Variants in SAXO1 observed in about 807,000 individuals in gnomAD.
SAXO1 encodes 4930500O09Rik.
A neutral mutation model predicts 17.5 loss-of-function variants in SAXO1; 21 were observed. That is an observed-to-expected ratio of 1.20 (90% CI 0.85 to 1.72). SAXO1 has a LOEUF of 1.72. Among genes scored for constraint, SAXO1 ranks in the 40% most tolerant of loss-of-function variants. The pLI is 0.00. For synonymous variants in SAXO1, 274 were observed against 216.5 expected, an observed-to-expected ratio of 1.27 and a Z score of -2.33; for missense variants, 843 against 596.0, an observed-to-expected ratio of 1.41 and a Z score of -4.32.
rs1227047648 is a variant in SAXO1 at position 18,929,031 on chromosome 9, G to A, written c.446C>T (p.Pro149Leu). 6.2e-7 allele frequency: 1 copy of A among 1,614,004 alleles called. No individual in the cohort carries two copies. The highest frequency in any genetic ancestry group is 2.2e-5 in the East Asian group (1 of 44,888). ...TTCCAGACGAAGTGGCTCTCGCCTTGGTTGGTTCCAAGGCAAATAATCAGC... is the reference window on the plus strand; with the variant it reads ...TTCCAGACGAAGTGGCTCTCGCCTTAGTTGGTTCCAAGGCAAATAATCAGC... Reference protein sequence around the residue: ...YKADYLPWNQPRREPLRLEHK... With the variant: ...YKADYLPWNQLRREPLRLEHK... Residue 149 changes from proline to leucine, a missense_variant, in exon 4 of 4, where the codon CCA (proline) becomes CTA (leucine). Transcript: ENST00000380534.
At chr9:19,010,239 G>T (rs966259136) in intron 1 of SAXO1, among the ~76,000 whole-genome samples, 1 of 152,106 alleles carries the variant, frequency 6.6e-6, no homozygotes, top group African/African-American at 2.4e-5. Context: ...TTCCCAGGAC[G>T]TTCTAAAACT....
chr9:19,027,417 C>A (rs1227807014), intron 1 of SAXO1: 2 of 755,996 alleles, frequency 2.6e-6, no homozygotes, highest in Non-Finnish European at 4.9e-6. Flanking sequence ...GGGGCTTGGA[C>A]AAGCAGATCC....
Position 18,928,981 on chromosome 9 carries a change from T to C in SAXO1, c.496A>G (p.Arg166Gly), listed in dbSNP as rs549492953. 5.0e-5 allele frequency: 81 copies of C among 1,614,112 alleles called. 1 individual carries two copies. The South Asian group carries it at 8.5e-4, about 17-fold the overall frequency. The change falls in exon 4 of 4, where the codon AGG (arginine) becomes GGG (glycine). Residue 166 changes from arginine (R) to glycine (G), a missense_variant. Coordinates refer to ENST00000380534, the MANE Select transcript of SAXO1 (RefSeq NM_153707.4). ...LEHKYQPASV[R>G]FDNRTTHQDD... ...TGGTGTGTGGTTCTGTTATCAAACC[T>C]GACTGATGCCGGCTGGTATTTGTGT...
chr9:18,943,372 G>C (rs1020402053), intron 2 of SAXO1, among the ~76,000 whole-genome samples: 6 of 152,216 alleles, frequency 3.9e-5, no homozygotes, highest in African/African-American at 1.2e-4. Context: ...GGGGCTTATG[G>C]AGGGAATGGA....
intron 1 of SAXO1, among the ~76,000 whole-genome samples, chr9:19,013,198 G>GA (rs1223622121): frequency 6.6e-6 from 1 of 152,152 alleles, no homozygotes; most frequent in African/African-American, 2.4e-5. Flanking sequence ...GAGAAGCGAT[G>GA]AAAGACTAAA....
chr9:19,013,290 C>T (rs1476648566), intron 1 of SAXO1, among the ~76,000 whole-genome samples: 1 of 152,152 alleles, frequency 6.6e-6, no homozygotes, highest in Non-Finnish European at 1.5e-5. Context: ...TTCACCACTG[C>T]GGGGGTAACA....
intron 1 of SAXO1, chr9:19,027,583 G>T (rs536001587): frequency 2.8e-5 from 40 of 1,408,834 alleles, no homozygotes; most frequent in Non-Finnish European, 3.8e-5. Context: ...CCTTCCTAAA[G>T]CTGACTGGCC....
At chr9:19,006,976 C>A (rs1185149320) in intron 1 of SAXO1, among the ~76,000 whole-genome samples, 1 of 152,026 alleles carries the variant, frequency 6.6e-6, no homozygotes, top group East Asian at 1.9e-4. Context: ...ACCCGGGAGG[C>A]AAAGGATGCA....
chr9:18,964,816 C>T (rs1250055408), intron 1 of SAXO1, among the ~76,000 whole-genome samples: 1 of 152,106 alleles, frequency 6.6e-6, no homozygotes, highest in African/African-American at 2.4e-5. Context: ...TTTGTTTGCT[C>T]TTGCTTCTCT....
intron 1 of SAXO1, among the ~76,000 whole-genome samples, chr9:19,025,663 T>A (rs1835441097): frequency 1.3e-5 from 2 of 152,230 alleles, no homozygotes; most frequent in African/African-American, 4.8e-5. Flanking sequence ...TATTTCATGA[T>A]ACATTAACCA....
chr9:18,957,607 C>T (rs1832307045), intron 1 of SAXO1, among the ~76,000 whole-genome samples: 2 of 152,156 alleles, frequency 1.3e-5, no homozygotes, highest in Non-Finnish European at 2.9e-5. Context: ...AATGCATTCC[C>T]CATCTAGGAG....
At chr9:18,965,203 G>C (rs1832665317) in intron 1 of SAXO1, among the ~76,000 whole-genome samples, 1 of 152,176 alleles carries the variant, frequency 6.6e-6, no homozygotes. Context: ...GAATAAGTGT[G>C]ATGTGGTGCT....
intron 1 of SAXO1, among the ~76,000 whole-genome samples, chr9:18,980,332 G>C (rs765649100): frequency 3.9e-5 from 6 of 151,998 alleles, no homozygotes; most frequent in Admixed American, 6.6e-5. Flanking sequence ...GAAGTATAGT[G>C]GGAGGTGGTA....
At chr9:18,977,817 A>T (rs192501119) in intron 1 of SAXO1, among the ~76,000 whole-genome samples, 1 of 152,094 alleles carries the variant, frequency 6.6e-6, no homozygotes, top group East Asian at 1.9e-4. Flanking sequence ...AACATGGCAA[A>T]ACCCCGTCTC....
At chr9:19,028,650 A>C (rs1052217305) in intron 1 of SAXO1, among the ~76,000 whole-genome samples, 18 of 152,330 alleles carry the variant, frequency 1.2e-4, no homozygotes, top group Middle Eastern at 3.4e-3. Context: ...ATATTATGAC[A>C]TTCTATGGTA....
At chr9:19,020,181 T>C (rs1426408082) in intron 1 of SAXO1, among the ~76,000 whole-genome samples, 1 of 152,136 alleles carries the variant, frequency 6.6e-6, no homozygotes, top group Non-Finnish European at 1.5e-5. Flanking sequence ...AAAACTGTAG[T>C]GAAGTAAAAC....
chr9:18,965,607 T>C (rs1367425480), intron 1 of SAXO1, among the ~76,000 whole-genome samples: 1 of 152,020 alleles, frequency 6.6e-6, no homozygotes, highest in East Asian at 1.9e-4. Flanking sequence ...TGGTATATCT[T>C]CCTCCGTCCC....
chr9:18,989,575 C>T (rs1213384491), intron 1 of SAXO1, among the ~76,000 whole-genome samples: 1 of 152,048 alleles, frequency 6.6e-6, no homozygotes, highest in Non-Finnish European at 1.5e-5. Context: ...CACACACACA[C>T]ACACACCCAT....
chr9:18,957,347 C>T (rs181179095), intron 1 of SAXO1, among the ~76,000 whole-genome samples: 4 of 152,130 alleles, frequency 2.6e-5, no homozygotes, highest in Non-Finnish European at 5.9e-5. Context: ...CCCTACAGAT[C>T]GGCCAGCCCT....
Sources: gnomAD v4.1 joint callset for allele counts (sites outside exome capture counted in the v4.1 genomes callset) on GRCh38, gnomAD v4.1.1 for gene constraint, MANE v1.5 for transcripts, NCBI Gene and HGNC (gene_info 2026-07-23, HGNC 2026-07-21) for gene names.